NFIC: variants seen among roughly 807,000 people sequenced by gnomAD.
NFIC encodes the protein nuclear factor 1 C-type.
A neutral mutation model predicts 54.4 loss-of-function variants in NFIC; 12 were observed. The observed-to-expected ratio is 0.22, with a 90% CI of 0.14 to 0.36. The LOEUF is 0.36. Ranked by LOEUF, NFIC falls within the 10% of genes least tolerant of loss-of-function variation. NFIC has a pLI of 1.00. For missense variants in NFIC, 575 were observed against 718.2 expected (o/e 0.80, Z 2.28); for synonymous variants, 322 against 319.2 (o/e 1.01, Z -0.09).
intron 1 of NFIC, among the ~76,000 whole-genome samples, chr19:3,376,344 G>A (rs1261306928): frequency 2.3e-5 from 3 of 131,622 alleles, no homozygotes; most frequent in Non-Finnish European, 4.6e-5. Flanking sequence ...CATGAGAATC[G>A]CCTGAACCCA....
At position 3,380,309 on chromosome 19, in the gene NFIC, C is replaced by CTTTTTTTTT. The variant is rs529220524; in HGVS notation, c.31-1386_31-1378dup. 2.0e-3 allele frequency among the ~76,000 whole-genome samples: 129 copies of CTTTTTTTTT among 65,152 alleles called. 3 individuals carry two copies. Among genetic ancestry groups the CTTTTTTTTT allele is most frequent in the African/African-American group, 2.6e-3 (37 of 14,190 alleles). 42.7% of individuals were successfully genotyped at this position (65,152 alleles called of 152,430 possible). A position where few individuals can be genotyped will look rare whatever the true frequency, so the allele number is the denominator to read the frequency against. On this transcript the variant is annotated intron_variant, in intron 1 of 10. Transcript: ENST00000443272. ...GTGAGCCACCGTGCCCAGCCTTGTT[C>CTTTTTTTTT]TTTTTTTTTTTTTTTTTTTTTTTTT...
intron 10 of NFIC, among the ~76,000 whole-genome samples, chr19:3,460,506 T>C (rs1372557614): frequency 1.3e-5 from 2 of 151,974 alleles, no homozygotes; most frequent in African/African-American, 4.8e-5. Flanking sequence ...TTTTTTTTGT[T>C]TTTTTTTGGT....
At chr19:3,402,533 C>G (rs1048772106) in intron 2 of NFIC, among the ~76,000 whole-genome samples, 2 of 152,218 alleles carry the variant, frequency 1.3e-5, no homozygotes, top group African/African-American at 4.8e-5. Flanking sequence ...CAGACAAAGC[C>G]TCTGCCCTCA....
At chr19:3,461,925 G>T (rs1279725096) in intron 10 of NFIC, among the ~76,000 whole-genome samples, 1 of 151,344 alleles carries the variant, frequency 6.6e-6, no homozygotes, top group African/African-American at 2.4e-5. Flanking sequence ...GTGGTGGCAT[G>T]CGCCTGTAAT....
intron 3 of NFIC, among the ~76,000 whole-genome samples, chr19:3,432,113 G>A (rs1339437602): frequency 6.6e-6 from 1 of 152,114 alleles, no homozygotes; most frequent in Non-Finnish European, 1.5e-5. Context: ...CTCCTACAAG[G>A]GCGTCCGAGG....
At position 3,370,490 on chromosome 19, in the gene NFIC, T is replaced by TCTCTCTCTCTCTGTCTCCCTCC. The variant is rs2080982203; in HGVS notation, c.30+3827_30+3848dup. Among the ~76,000 whole-genome samples the TCTCTCTCTCTCTGTCTCCCTCC allele has an allele frequency of 6.6e-6, 1 of 151,654 alleles. No homozygotes were observed. Among genetic ancestry groups the TCTCTCTCTCTCTGTCTCCCTCC allele is most frequent in the Non-Finnish European group, 1.5e-5 (1 of 67,904 alleles). On this transcript the variant is annotated intron_variant, in intron 1 of 10. Coordinates refer to ENST00000443272, the MANE Select transcript of NFIC (RefSeq NM_001245002.2). The surrounding 1 kb of genome is among the most constrained non-coding windows in gnomAD (Gnocchi z 5.2). ...CAGAGTCAGCGTTCTCCTCTCTCTC[T>TCTCTCTCTCTCTGTCTCCCTCC]CTCTCTCTCTCTGTCTCCCTCCCTT... is the stretch of plus-strand genomic sequence containing the variant.
chr19:3,464,672 ACT>A lies in NFIC; in HGVS notation c.*1907_*1908del. 1 of 980,290 alleles carries A rather than the reference ACT, an allele frequency of 1.0e-6. No individual in the cohort carries two copies. The highest frequency in any genetic ancestry group is 4.7e-5 in the South Asian group (1 of 21,056). The allele number at this position is 980,290 out of a possible 1,614,324, so 60.7% of individuals were successfully genotyped here. A position where few individuals can be genotyped will look rare whatever the true frequency, so the allele number is the denominator to read the frequency against. On this transcript the variant is annotated 3_prime_UTR_variant, in exon 11 of 11. Coordinates refer to ENST00000443272, the MANE Select transcript of NFIC (RefSeq NM_001245002.2). ...TCACCCCCCTGCCCCCGAAAACCAG[ACT>A]CTCCTCCCAAACTAGCCTCAGGAGC...
intron 2 of NFIC, among the ~76,000 whole-genome samples, chr19:3,409,071 T>G (rs760214262): frequency 2.0e-5 from 3 of 152,000 alleles, no homozygotes; most frequent in Non-Finnish European, 2.9e-5. Context: ...GTATCATAGC[T>G]CACATCACTC....
intron 6 of NFIC, among the ~76,000 whole-genome samples, chr19:3,439,462 G>A (rs1568184924): frequency 6.7e-6 from 1 of 148,230 alleles, no homozygotes; most frequent in Non-Finnish European, 1.5e-5. Flanking sequence ...GGCCAACAGG[G>A]TGAAACCCCA....
intron 2 of NFIC, among the ~76,000 whole-genome samples, chr19:3,386,988 C>G (rs907819689): frequency 2.0e-5 from 3 of 152,234 alleles, no homozygotes; most frequent in Non-Finnish European, 4.4e-5. Flanking sequence ...CTTTTCCGAA[C>G]CGAGAGTCCC....
At chr19:3,365,175 T>TCA (rs2080864821), upstream of NFIC, among the ~76,000 whole-genome samples, 1 of 152,200 alleles carries the variant, frequency 6.6e-6, no homozygotes, top group African/African-American at 2.4e-5. Flanking sequence ...CTGTAATGCC[T>TCA]GAGGATAATG....
At chr19:3,460,453 C>G (rs947284502) in intron 10 of NFIC, among the ~76,000 whole-genome samples, 1 of 152,192 alleles carries the variant, frequency 6.6e-6, no homozygotes, top group Admixed American at 6.5e-5. Context: ...AGACCTACCC[C>G]CTCCTTCACG....
At chr19:3,402,382 C>G (rs2081572664) in intron 2 of NFIC, among the ~76,000 whole-genome samples, 1 of 152,160 alleles carries the variant, frequency 6.6e-6, no homozygotes, top group South Asian at 2.1e-4. Context: ...TCCTTCCACT[C>G]CCCCATGTAC....
intron 3 of NFIC, among the ~76,000 whole-genome samples, chr19:3,428,253 G>A (rs2082059629): frequency 6.6e-6 from 1 of 151,862 alleles, no homozygotes; most frequent in South Asian, 2.1e-4. Context: ...CAGTACTTTG[G>A]GAGGCCGAGT....
chr19:3,374,033 A>C (rs960034123), intron 1 of NFIC, among the ~76,000 whole-genome samples: 35 of 152,164 alleles, frequency 2.3e-4, no homozygotes, highest in Admixed American at 2.3e-3. Flanking sequence ...CATTAGAACT[A>C]AGGCTTTGAA....
chr19:3,421,931 AT>A (rs1437421212), intron 2 of NFIC, among the ~76,000 whole-genome samples: 1 of 150,996 alleles, frequency 6.6e-6, no homozygotes, highest in African/African-American at 2.4e-5. Context: ...TGCCTGGCTA[AT>A]TTTTTTTTCT....
intron 1 of NFIC, among the ~76,000 whole-genome samples, chr19:3,374,756 A>G (rs1236280147): frequency 6.6e-6 from 1 of 152,182 alleles, no homozygotes; most frequent in Non-Finnish European, 1.5e-5. Flanking sequence ...TGAGGGCAGT[A>G]GGAGGTCCCT....
At chr19:3,387,860 A>G (rs915545775) in intron 2 of NFIC, among the ~76,000 whole-genome samples, 15 of 151,858 alleles carry the variant, frequency 9.9e-5, no homozygotes, top group Non-Finnish European at 1.9e-4. Flanking sequence ...GTGCTGGGGA[A>G]GGAGCCTGCA....
chr19:3,362,792 G>A (rs1163384979), upstream of NFIC, among the ~76,000 whole-genome samples: 2 of 152,140 alleles, frequency 1.3e-5, no homozygotes, highest in Non-Finnish European at 2.9e-5. Flanking sequence ...CCCTTGCTGA[G>A]CAGGTGCGGG....
Sources: gnomAD v4.1 joint callset for allele counts (sites outside exome capture counted in the v4.1 genomes callset) on GRCh38, gnomAD v4.1.1 for gene constraint, Gnocchi (gnomAD v3.1) non-coding constraint, MANE v1.5 for transcripts, NCBI Gene and HGNC (gene_info 2026-07-23, HGNC 2026-07-21) for gene names.